Variants in SENP7 observed in about 807,000 individuals in gnomAD.
SENP7 encodes the protein sentrin-specific protease 7.
Under a neutral mutation model 141.2 loss-of-function variants are expected in SENP7, and 64 were observed. The ratio of observed to expected loss-of-function variants is 0.45; its 90% CI spans 0.37 to 0.56. The LOEUF (loss-of-function observed/expected upper bound fraction) is 0.56, where lower values mean the gene tolerates loss of function less well. Among genes scored for constraint, SENP7 ranks in the 20% least tolerant of loss-of-function variants. The pLI is 0.00. For missense variants in SENP7, 1,025 were observed against 1,212.2 expected, an observed-to-expected ratio of 0.85 and a Z score of 2.29; for synonymous variants, 382 against 426.4, an observed-to-expected ratio of 0.90 and a Z score of 1.28.
intron 21 of SENP7, 39 bp from the exon 22 acceptor site, chr3:101,328,585 T>TTG (rs1327761375): frequency 1.2e-6 from 2 of 1,602,326 alleles, no homozygotes; most frequent in Non-Finnish European, 8.5e-7. Context: ...TTTACATACT[T>TTG]GTATACAAAG....
At chr3:101,454,086 T>C (rs142871125) in intron 4 of SENP7, among the ~76,000 whole-genome samples, 2 of 152,314 alleles carry the variant, frequency 1.3e-5, no homozygotes, top group Non-Finnish European at 2.9e-5. Flanking sequence ...CCTTCATACA[T>C]TGCTGGTGGG....
chr3:101,331,563 A>AAATAAT (rs58803980), intron 19 of SENP7, among the ~76,000 whole-genome samples: 60,106 of 150,116 alleles, frequency 0.4, 12,560 homozygotes, highest in Admixed American at 0.54. Context: ...ATGTCAATGG[A>AAATAAT]AATAATAATA....
intron 3 of SENP7, among the ~76,000 whole-genome samples, chr3:101,463,372 T>TATATATATATACAC (rs2063624835): frequency 1.2e-5 from 1 of 84,536 alleles, no homozygotes; most frequent in Non-Finnish European, 2.2e-5. Flanking sequence ...TAAATATATA[T>TATATATATATACAC]ATATATATAT....
chr3:101,361,540 G>C (rs531373679), intron 11 of SENP7, among the ~76,000 whole-genome samples, 175 bp downstream of exon 11: 28 of 151,736 alleles, frequency 1.8e-4, no homozygotes, highest in Non-Finnish European at 4.0e-4. Context: ...ATTTTAGGAG[G>C]GGAGAATGAA....
chr3:101,354,279 A>G (rs988748488), intron 11 of SENP7, among the ~76,000 whole-genome samples: 4 of 152,058 alleles, frequency 2.6e-5, no homozygotes, highest in Non-Finnish European at 5.9e-5. Context: ...CTTTTATTTT[A>G]GGTTCAGGGG....
At chr3:101,495,182 A>C (rs1048059988) in intron 2 of SENP7, among the ~76,000 whole-genome samples, 9 of 152,212 alleles carry the variant, frequency 5.9e-5, no homozygotes, top group Non-Finnish European at 4.4e-5. Flanking sequence ...GAGAAATGCA[A>C]ATCAAAACGA....
intron 7 of SENP7, among the ~76,000 whole-genome samples, chr3:101,370,019 C>T (rs2060133930): frequency 6.6e-6 from 1 of 152,050 alleles, no homozygotes; most frequent in Admixed American, 6.5e-5. Context: ...TCAGAATTTC[C>T]ATTAATTTAC....
In SENP7 at chr3:101,358,008, C is replaced by T. The variant is rs373251832; in HGVS notation, c.1623+3707G>A. On this transcript the variant is annotated intron_variant, in intron 11 of 23. Transcript: ENST00000394095. ...AAGAAAATTCTTATTGGAGAGAAAC[C>T]ATACAAGTGTGTTAAATGTGGCAAA... The T allele has an allele frequency of 1.1e-3, 695 of 605,414 alleles. 11 individuals carry two copies. The South Asian group carries it at 0.012, about 10-fold the overall frequency. 37.5% of individuals were successfully genotyped at this position (605,414 alleles called of 1,614,324 possible). A position where few individuals can be genotyped will look rare whatever the true frequency, so the allele number is the denominator to read the frequency against.
In SENP7 at chr3:101,378,903, T is replaced by C. The variant is rs138375985; in HGVS notation, c.678-6777A>G. On this transcript the variant is annotated intron_variant, in intron 6 of 23. Transcript: ENST00000394095. ...AAGAACACTGTGGAGTGAAATCTTTTAAGTGTTCAGAGAAAAAAAACCTAC... is the reference window on the plus strand; with the variant it reads ...AAGAACACTGTGGAGTGAAATCTTTCAAGTGTTCAGAGAAAAAAAACCTAC... Among the ~76,000 whole-genome samples, 1,435 of 152,212 alleles carry C rather than the reference T, an allele frequency of 9.4e-3. 23 individuals carry two copies. Among genetic ancestry groups the C allele is most frequent in the African/African-American group, 0.033 (1,381 of 41,538 alleles).
intron 3 of SENP7, among the ~76,000 whole-genome samples, chr3:101,467,597 A>T (rs1293492405): frequency 6.6e-6 from 1 of 152,246 alleles, no homozygotes; most frequent in East Asian, 1.9e-4. Context: ...AAACTCCAAC[A>T]GACCTGCAGC....
Position 101,443,895 on chromosome 3 carries a change from A to T in SENP7, c.284+15060T>A, listed in dbSNP as rs184751042. ...TACAATCATGTCGTCTGCAAACAGG[A>T]GCAATTTGACTAAAAAGCTTCTGCA... is the stretch of plus-strand genomic sequence containing the variant. On this transcript the variant is annotated intron_variant, in intron 4 of 23. Transcript: ENST00000394095. 6.6e-5 allele frequency among the ~76,000 whole-genome samples: 10 copies of T among 151,512 alleles called. No homozygotes were observed. In the East Asian group the frequency reaches 1.9e-3, roughly 29 times the overall value.
At chr3:101,445,344 A>T (rs978910982) in intron 4 of SENP7, among the ~76,000 whole-genome samples, 1 of 152,230 alleles carries the variant, frequency 6.6e-6, no homozygotes, top group Non-Finnish European at 1.5e-5. Context: ...GGAGTCATAC[A>T]TCTAGAAGCA....
intron 4 of SENP7, among the ~76,000 whole-genome samples, chr3:101,427,067 T>C (rs1473708530): frequency 6.6e-6 from 1 of 152,214 alleles, no homozygotes; most frequent in East Asian, 1.9e-4. Context: ...ATATCCTTTA[T>C]GAACATCAAT....
At chr3:101,495,564 C>A (rs2065129621) in intron 2 of SENP7, among the ~76,000 whole-genome samples, 1 of 152,160 alleles carries the variant, frequency 6.6e-6, no homozygotes, top group South Asian at 2.1e-4. Flanking sequence ...GGATACTATG[C>A]AGCCCTAAAA....
intron 4 of SENP7, among the ~76,000 whole-genome samples, chr3:101,450,393 C>A (rs1365970371): frequency 9.9e-5 from 15 of 151,876 alleles, no homozygotes; most frequent in African/African-American, 2.9e-4. Context: ...TCTCCACCCC[C>A]AATCAACAGA....
chr3:101,399,157 AGAAAGCTGTTC>A, intron 5 of SENP7, 102 bp from the exon 6 acceptor site: 1 of 697,532 alleles, frequency 1.4e-6, no homozygotes, highest in Non-Finnish European at 2.2e-6. Flanking sequence ...TCTTAGCACA[AGAAAGCTGTTC>A]GAACTACACC....
chr3:101,426,410 T>C (rs2061958646), intron 4 of SENP7, among the ~76,000 whole-genome samples: 1 of 152,106 alleles, frequency 6.6e-6, no homozygotes, highest in Non-Finnish European at 1.5e-5. Context: ...TTCAATGTTC[T>C]TAAAGAAAAT....
intron 6 of SENP7, among the ~76,000 whole-genome samples, chr3:101,377,433 G>A (rs1048440788): frequency 6.6e-6 from 1 of 152,130 alleles, no homozygotes; most frequent in Non-Finnish European, 1.5e-5. Context: ...ACAAATTGCT[G>A]AGGGTTCAGT....
At chr3:101,453,354 T>A (rs975779339) in intron 4 of SENP7, among the ~76,000 whole-genome samples, 5 of 152,198 alleles carry the variant, frequency 3.3e-5, no homozygotes, top group Non-Finnish European at 5.9e-5. Flanking sequence ...GACCCAGCCA[T>A]CCCACTACTG....
Sources: allele counts gnomAD v4.1 joint callset (sites outside exome capture counted in the v4.1 genomes callset), GRCh38; gene constraint gnomAD v4.1.1; transcripts MANE v1.5; gene names NCBI Gene and HGNC (gene_info 2026-07-23, HGNC 2026-07-21).